OR6C74: variants seen among roughly 807,000 people sequenced by gnomAD.
The protein encoded by OR6C74 is olfactory receptor 6C74.
For synonymous variants in OR6C74, 142 were observed against 134.2 expected (o/e 1.06, Z -0.40); for missense variants, 361 against 362.9 (o/e 0.99, Z 0.04).
Position 55,247,710 on chromosome 12 carries a change from G to C in OR6C74, c.423G>C (p.Leu141Phe), listed in dbSNP as rs1954282159. ...TCATGAGCAGCAGAGTTTGCAGCTT[G>C]CTGGTCTTTGCTTCATGGATGGCTG... ...TTIMSSRVCSLLVFASWMAGF... is the reference protein window; with the variant it reads ...TTIMSSRVCSFLVFASWMAGF... Residue 141 changes from leucine to phenylalanine, a missense_variant, in exon 2 of 2, where the codon TTG becomes TTC. Physicochemically the swap from Leu to Phe is conservative, Grantham distance 22 (BLOSUM62 0). Transcript: ENST00000343399. The C allele has an allele frequency of 1.2e-6, 2 of 1,613,908 alleles. No homozygotes were observed. The highest frequency in any genetic ancestry group is 1.3e-5 in the African/African-American group (1 of 74,892).
Position 55,255,856 on chromosome 12 carries a change from T to C in OR6C74, c.*7630T>C, listed in dbSNP as rs1287266939. Among the ~76,000 whole-genome samples the C allele has an allele frequency of 6.6e-6, 1 of 152,132 alleles. No homozygotes were observed. The highest frequency in any genetic ancestry group is 1.5e-5 in the Non-Finnish European group (1 of 67,998). On this transcript the variant is annotated 3_prime_UTR_variant, in exon 2 of 2. Transcript: ENST00000343399. The stretch of plus-strand genomic sequence containing the variant: ...TATAATATTCTGGTAGAGATAAATT[T>C]ATAGAGAAAGTAACATATCAGTGGT...
In OR6C74 at chr12:55,249,169, C is replaced by T. The variant is rs540026050; in HGVS notation, c.*943C>T. ...ATGGATGTCATAGATAAAATTAAGA[C>T]CTTACAGCTCCACAGAGTACCTTAT... On this transcript the variant is annotated 3_prime_UTR_variant, in exon 2 of 2. Coordinates refer to ENST00000343399, the MANE Select transcript of OR6C74 (RefSeq NM_001005490.2). Among the ~76,000 whole-genome samples, 3 of 152,220 alleles carry T rather than the reference C, an allele frequency of 2.0e-5. No individual in the cohort carries two copies. Among genetic ancestry groups the T allele is most frequent in the East Asian group, 1.9e-4 (1 of 5,184 alleles).
rs1954312174 is a variant in OR6C74, at chr12:55,251,663, T to C, written c.*3437T>C. ...ATTAGGTGTTAGAAAACTACAAGTT[T>C]ACTATAAATATGGAGTGTTTATGAG... On this transcript the variant is annotated 3_prime_UTR_variant, in exon 2 of 2. Coordinates refer to ENST00000343399, the MANE Select transcript of OR6C74 (RefSeq NM_001005490.2). 6.6e-6 allele frequency among the ~76,000 whole-genome samples: 1 copy of C among 151,950 alleles called. No homozygotes were observed. The highest frequency in any genetic ancestry group is 2.1e-4 in the South Asian group (1 of 4,826).
chr12:55,246,857 C>T (rs1954273026), intron 1 of OR6C74, among the ~76,000 whole-genome samples: 2 of 151,836 alleles, frequency 1.3e-5, no homozygotes, highest in East Asian at 1.9e-4. Flanking sequence ...TAATGAATAG[C>T]AAAGTCTAGA....
Position 55,247,974 on chromosome 12 carries a change from T to C in OR6C74, c.687T>C (p.Ser229=), listed in dbSNP as rs923774144. 2 of 1,613,814 alleles carry C rather than the reference T, an allele frequency of 1.2e-6. No individual in the cohort carries two copies. Among genetic ancestry groups the C allele is most frequent in the African/African-American group, 2.7e-5 (2 of 74,916 alleles). The change falls in exon 2 of 2, where the codon TCT becomes TCC. Residue 229 remains serine (S), a synonymous_variant. Coordinates refer to ENST00000343399, the MANE Select transcript of OR6C74 (RefSeq NM_001005490.2). ...IIRTILKIPS[S]QQRKKAFSTC... ...GGACTATTCTGAAAATACCTTCTTC[T>C]CAACAGAGAAAAAAAGCATTTTCTA...
rs1474491946 is a variant in OR6C74, at chr12:55,249,906, T to A, written c.*1680T>A. ...ATCTCCTAATGCTATCCCTCCCCTCTCCCCCCACCTCACAGCAGGCCCCGG... is the reference window on the plus strand; with the variant it reads ...ATCTCCTAATGCTATCCCTCCCCTCACCCCCCACCTCACAGCAGGCCCCGG... On this transcript the variant is annotated 3_prime_UTR_variant, in exon 2 of 2. Transcript: ENST00000343399. 6.6e-6 allele frequency among the ~76,000 whole-genome samples: 1 copy of A among 151,878 alleles called. No individual in the cohort carries two copies. Among genetic ancestry groups the A allele is most frequent in the African/African-American group, 2.4e-5 (1 of 41,362 alleles).
In OR6C74 at chr12:55,250,926, A is replaced by G. The variant is rs1212860328; in HGVS notation, c.*2700A>G. On this transcript the variant is annotated 3_prime_UTR_variant, in exon 2 of 2. Transcript: ENST00000343399. The stretch of plus-strand genomic sequence containing the variant: ...TAGACTCAAGGTATGTCAATTGTCT[A>G]TTACATAGCCTTCCTGCCTTTGATC... Among the ~76,000 whole-genome samples the G allele has an allele frequency of 1.3e-5, 2 of 152,074 alleles. No homozygotes were observed. Among genetic ancestry groups the G allele is most frequent in the Non-Finnish European group, 2.9e-5 (2 of 67,978 alleles).
chr12:55,245,629 T>G (rs1420421571), intron 1 of OR6C74, among the ~76,000 whole-genome samples: 1 of 152,130 alleles, frequency 6.6e-6, no homozygotes, highest in Non-Finnish European at 1.5e-5. Flanking sequence ...CAGTAGAAAA[T>G]TAATGCTGTC....
At chr12:55,245,026 AT>A (rs1218169728) in intron 1 of OR6C74, among the ~76,000 whole-genome samples, 2 of 152,144 alleles carry the variant, frequency 1.3e-5, no homozygotes, top group Non-Finnish European at 1.5e-5. Flanking sequence ...TTTGGAAAAA[AT>A]TATGTCTTTA....
In OR6C74 at chr12:55,251,491, T is replaced by C. The variant is rs750725828; in HGVS notation, c.*3265T>C. Among the ~76,000 whole-genome samples, 8 of 152,128 alleles carry C rather than the reference T, an allele frequency of 5.3e-5. No homozygotes were observed. Among genetic ancestry groups the C allele is most frequent in the Admixed American group, 1.3e-4 (2 of 15,258 alleles). On this transcript the variant is annotated 3_prime_UTR_variant, in exon 2 of 2. Coordinates refer to ENST00000343399, the MANE Select transcript of OR6C74 (RefSeq NM_001005490.2). ...AAATAAGGCAGCAAATGACAGGAGA[T>C]GAGTGAAGTTAATATGTTCATCTAT...
Position 55,247,517 on chromosome 12 carries a change from C to T in OR6C74, c.230C>T (p.Pro77Leu), listed in dbSNP as rs1954279925. ...LEVSFTTVYI[P>L]KFLVSMATGD... ...GTCTCATTCACAACTGTCTACATTCCCAAATTTCTTGTTAGTATGGCAACA... is the reference window on the plus strand; with the variant it reads ...GTCTCATTCACAACTGTCTACATTCTCAAATTTCTTGTTAGTATGGCAACA... Residue 77 changes from proline (P) to leucine (L), a missense_variant, in exon 2 of 2, where the codon CCC (proline) becomes CTC (leucine). Transcript: ENST00000343399. The T allele has an allele frequency of 6.2e-7, 1 of 1,613,216 alleles. No homozygotes were observed. The highest frequency in any genetic ancestry group is 8.5e-7 in the Non-Finnish European group (1 of 1,179,552).
rs527546822 is a variant in OR6C74 at position 55,252,666 on chromosome 12, T to C, written c.*4440T>C. ...CAACTTTCTTTTGATAATGGGTTAC[T>C]TTTTCCCATATTTTTAAAACACCAT... On this transcript the variant is annotated 3_prime_UTR_variant, in exon 2 of 2. Coordinates refer to ENST00000343399, the MANE Select transcript of OR6C74 (RefSeq NM_001005490.2). Among the ~76,000 whole-genome samples, 21 of 152,094 alleles carry C rather than the reference T, an allele frequency of 1.4e-4. No individual in the cohort carries two copies. The East Asian group carries it at 4.1e-3, about 29-fold the overall frequency.
At position 55,248,779 on chromosome 12, in the gene OR6C74, A is replaced by C. The variant is rs944135393; in HGVS notation, c.*553A>C. Reference sequence around the variant, plus strand: ...AGATATAGTATACTCTCAGAAATAAATGAAAGAAACTTCAGAGAGGTTAAA... The same window carrying C: ...AGATATAGTATACTCTCAGAAATAACTGAAAGAAACTTCAGAGAGGTTAAA... On this transcript the variant is annotated 3_prime_UTR_variant, in exon 2 of 2. Transcript: ENST00000343399. 6.6e-6 allele frequency among the ~76,000 whole-genome samples: 1 copy of C among 152,220 alleles called. No individual in the cohort carries two copies. Among genetic ancestry groups the C allele is most frequent in the African/African-American group, 2.4e-5 (1 of 41,452 alleles).
Position 55,248,082 on chromosome 12 carries a change from A to T in OR6C74, c.795A>T (p.Arg265Ser). 1 of 1,614,118 alleles carries T rather than the reference A, an allele frequency of 6.2e-7. No individual in the cohort carries two copies. Among genetic ancestry groups the T allele is most frequent in the South Asian group, 1.1e-5 (1 of 91,080 alleles). The change falls in exon 2 of 2, where the codon AGA becomes AGT. Residue 265 changes from arginine to serine, a missense_variant. Physicochemically the swap from Arg to Ser is moderately radical, Grantham distance 110. Transcript: ENST00000343399. ...FMYVKPSAKE[R>S]VSLNKGIALL... ...ATGTGAAACCCTCAGCAAAAGAAAGAGTGTCATTAAATAAAGGGATAGCTC... is the reference window on the plus strand; with the variant it reads ...ATGTGAAACCCTCAGCAAAAGAAAGTGTGTCATTAAATAAAGGGATAGCTC...
chr12:55,255,075 C>T lies in OR6C74; in HGVS notation c.*6849C>T, dbSNP rs951581804. Among the ~76,000 whole-genome samples, 1 of 152,028 alleles carries T rather than the reference C, an allele frequency of 6.6e-6. No individual in the cohort carries two copies. Among genetic ancestry groups the T allele is most frequent in the Non-Finnish European group, 1.5e-5 (1 of 67,974 alleles). On this transcript the variant is annotated 3_prime_UTR_variant, in exon 2 of 2. Coordinates refer to ENST00000343399, the MANE Select transcript of OR6C74 (RefSeq NM_001005490.2). ...ATCGAAATAATACCTCCCTCCAGGG[C>T]AGAAGGGAGATTTGCTTCCTGACTA...
In OR6C74 at chr12:55,249,605, A is replaced by G. The variant is rs1204981301; in HGVS notation, c.*1379A>G. On this transcript the variant is annotated 3_prime_UTR_variant, in exon 2 of 2. Transcript: ENST00000343399. ...GGCACTGAGAAGCTGAGAAGATTCA[A>G]ATAGACTTTTCAATAGTGGTCATGT... 6.6e-6 allele frequency among the ~76,000 whole-genome samples: 1 copy of G among 152,150 alleles called. No homozygotes were observed. The highest frequency in any genetic ancestry group is 2.4e-5 in the African/African-American group (1 of 41,450).
intron 1 of OR6C74, among the ~76,000 whole-genome samples, chr12:55,245,663 A>T (rs1954265814): frequency 6.6e-6 from 1 of 152,040 alleles, no homozygotes; most frequent in South Asian, 2.1e-4. Flanking sequence ...TAGTTTTTTC[A>T]TTGCTGTTTT....
rs1181657407 is a variant in OR6C74 at position 55,251,732 on chromosome 12, T to A, written c.*3506T>A. On this transcript the variant is annotated 3_prime_UTR_variant, in exon 2 of 2. Transcript: ENST00000343399. Reference sequence around the variant, plus strand: ...ATTGTATGATACAATAAAGTCCCATTGTATCATACATATCTCAAAAATTCT... The same window carrying A: ...ATTGTATGATACAATAAAGTCCCATAGTATCATACATATCTCAAAAATTCT... Among the ~76,000 whole-genome samples, 1 of 151,918 alleles carries A rather than the reference T, an allele frequency of 6.6e-6. No homozygotes were observed. Among genetic ancestry groups the A allele is most frequent in the Non-Finnish European group, 1.5e-5 (1 of 67,856 alleles).
rs1239043641 is a variant in OR6C74 at position 55,252,355 on chromosome 12, C to T, written c.*4129C>T. ...GTTAATGCTTCACAATAATGTGGAT[C>T]CATTTTAAATGAACTGGAAATCACA... On this transcript the variant is annotated 3_prime_UTR_variant, in exon 2 of 2. Coordinates refer to ENST00000343399, the MANE Select transcript of OR6C74 (RefSeq NM_001005490.2). Among the ~76,000 whole-genome samples, 1 of 151,018 alleles carries T rather than the reference C, an allele frequency of 6.6e-6. No homozygotes were observed. Among genetic ancestry groups the T allele is most frequent in the East Asian group, 1.9e-4 (1 of 5,168 alleles).
Sources: allele counts gnomAD v4.1 joint callset (sites outside exome capture counted in the v4.1 genomes callset), GRCh38; gene constraint gnomAD v4.1.1; transcripts MANE v1.5; gene names NCBI Gene and HGNC (gene_info 2026-07-23, HGNC 2026-07-21).